Variants in UBR4 observed in about 807,000 individuals in gnomAD.
The protein encoded by UBR4 is E3 ubiquitin-protein ligase UBR4.
UBR4 carries 124 observed loss-of-function variants against 575.6 expected under a neutral mutation model. That is an observed-to-expected ratio of 0.22 (90% CI 0.19 to 0.25). The LOEUF (loss-of-function observed/expected upper bound fraction) is 0.25. Among genes scored for constraint, UBR4 ranks in the 10% least tolerant of loss-of-function variants. The pLI is 1.00. For missense variants in UBR4, 4,818 were observed against 6,478.8 expected, an observed-to-expected ratio of 0.74 and a Z score of 8.80; for synonymous variants, 2,455 against 2,473.7, an observed-to-expected ratio of 0.99 and a Z score of 0.22.
At chr1:19,194,731 G>A (rs1322341617) in intron 8 of UBR4, among the ~76,000 whole-genome samples, 2 of 152,122 alleles carry the variant, frequency 1.3e-5, no homozygotes, top group African/African-American at 4.8e-5. Flanking sequence ...GAACCTGGGG[G>A]GCAGAGGTTA....
chr1:19,168,977 CA>C (rs35946919), intron 27 of UBR4, among the ~76,000 whole-genome samples: 121 of 117,180 alleles, frequency 1.0e-3, no homozygotes, highest in Middle Eastern at 5.6e-3. Context: ...GACTCCGTCT[CA>C]AAAAAAAAAA....
intron 38 of UBR4, among the ~76,000 whole-genome samples, chr1:19,160,663 T>C (rs2087188024): frequency 6.6e-6 from 1 of 152,222 alleles, no homozygotes; most frequent in Admixed American, 6.5e-5. Flanking sequence ...TAAGGAACCC[T>C]GGCCAAGAAA....
chr1:19,145,067 T>A (rs1323149562), intron 53 of UBR4, among the ~76,000 whole-genome samples, 160 bp from the exon 54 acceptor site: 1 of 152,178 alleles, frequency 6.6e-6, no homozygotes, highest in Non-Finnish European at 1.5e-5. Flanking sequence ...GTAGCCTGTA[T>A]TATTTATGAT....
In UBR4 at chr1:19,110,077, C is replaced by A. The variant is rs2079676350; in HGVS notation, c.12105+19G>T. ...GGCCGCCCTGCCCTTCCTTGTTAGA[C>A]CCCTGCTTGGCCCAGTACCTTGTTC... is the stretch of plus-strand genomic sequence containing the variant. On this transcript the variant is annotated intron_variant, in intron 81 of 105. Coordinates refer to ENST00000375254, the MANE Select transcript of UBR4 (RefSeq NM_020765.3). The surrounding 1 kb of genome is among the most constrained non-coding windows in gnomAD (Gnocchi z 4.5). 6 of 1,613,540 alleles carry A rather than the reference C, an allele frequency of 3.7e-6. No individual in the cohort carries two copies. Among genetic ancestry groups the A allele is most frequent in the Middle Eastern group, 1.7e-4 (1 of 5,724 alleles).
intron 44 of UBR4, 96 bp from the exon 45 acceptor site, chr1:19,154,035 T>C: frequency 7.4e-7 from 1 of 1,351,966 alleles, no homozygotes; most frequent in South Asian, 1.4e-5. Flanking sequence ...GCTACGTGAC[T>C]CCAAAGCAAT....
chr1:19,148,480 T>G (rs1352550468), intron 50 of UBR4, 83 bp downstream of exon 50: 3 of 1,495,032 alleles, frequency 2.0e-6, no homozygotes, highest in Admixed American at 1.7e-5. Flanking sequence ...GTTCTTTAGC[T>G]TCGAGGCCTC....
At chr1:19,200,008 A>T (rs1056631088) in intron 2 of UBR4, among the ~76,000 whole-genome samples, 4 of 152,246 alleles carry the variant, frequency 2.6e-5, no homozygotes, top group Non-Finnish European at 5.9e-5. Flanking sequence ...CTTCAAAGGT[A>T]TTAACTCATT....
Position 19,114,873 on chromosome 1 carries a change from T to C in UBR4, c.11140A>G (p.Met3714Val). The change falls in exon 75 of 106, where the codon ATG becomes GTG. Residue 3714 changes from methionine (M) to valine (V), a missense_variant. Met to Val is a conservative substitution (Grantham distance 21, BLOSUM62 1). Transcript: ENST00000375254. ...GCACAGCAAGGCTTGGCATAGAGCA[T>C]GAAGTCGAAGCGGGCATATTTACAG... ...GFCKYARFDF[M>V]LYAKPCCAVD... 1.9e-6 allele frequency: 3 copies of C among 1,614,178 alleles called. No individual in the cohort carries two copies. The highest frequency in any genetic ancestry group is 2.5e-6 in the Non-Finnish European group (3 of 1,180,026).
At position 19,172,904 on chromosome 1, in the gene UBR4, C is replaced by T; in HGVS notation, c.3481G>A (p.Ala1161Thr). The T allele has an allele frequency of 6.2e-7, 1 of 1,614,158 alleles. No individual in the cohort carries two copies. Among genetic ancestry groups the T allele is most frequent in the African/African-American group, 1.3e-5 (1 of 75,026 alleles). ...SSEITKNLLP[A>T]TLQLIDTYAS... ...TAGGTGTCAATGAGTTGCAGCGTGG[C>T]TGGAAGTAGGTTCTTGGTAATCTCA... is the stretch of plus-strand genomic sequence containing the variant. Residue 1161 changes from alanine to threonine, a missense_variant, in exon 25 of 106, where the codon GCC (alanine) becomes ACC (threonine). Physicochemically the swap from Ala to Thr is moderately conservative, Grantham distance 58 (BLOSUM62 0). Around this residue, in one of 29 missense-constraint regions of UBR4, gnomAD observed 1,172 missense variants for 1,259.7 expected, o/e 0.93. Transcript: ENST00000375254.
chr1:19,159,290 A>G (rs2086916340), intron 39 of UBR4, among the ~76,000 whole-genome samples: 1 of 152,242 alleles, frequency 6.6e-6, no homozygotes, highest in Admixed American at 6.5e-5. Flanking sequence ...TCAGAAGTCT[A>G]TATTCAGTGC....
At chr1:19,176,505 G>C in intron 20 of UBR4, 87 bp downstream of exon 20, 2 of 1,509,080 alleles carry the variant, frequency 1.3e-6, no homozygotes, top group Non-Finnish European at 1.8e-6. Context: ...AATGACCAAA[G>C]ATCCTCCAAG....
intron 32 of UBR4, 113 bp downstream of exon 32, chr1:19,164,686 A>G (rs2087997604): frequency 3.0e-6 from 4 of 1,353,976 alleles, no homozygotes; most frequent in Non-Finnish European, 4.1e-6. Flanking sequence ...AGAGAGAGGT[A>G]GATACAAAAA....
At position 19,115,199 on chromosome 1, in the gene UBR4, GCACA is replaced by G. The variant is rs61661086; in HGVS notation, c.11063+195_11063+198del. Among the ~76,000 whole-genome samples, 437 of 127,106 alleles carry G rather than the reference GCACA, an allele frequency of 3.4e-3. 5 individuals are homozygous for G. The South Asian group carries it at 0.036, about 11-fold the overall frequency. The allele number at this position is 127,106 out of a possible 152,430, so 83.4% of individuals were successfully genotyped here. A position where few individuals can be genotyped will look rare whatever the true frequency, so the allele number is the denominator to read the frequency against. The stretch of plus-strand genomic sequence containing the variant: ...AGGACAGACACACTCGTGTGCACAT[GCACA>G]CACACACACACACACACACTCACTC... On this transcript the variant is annotated intron_variant, in intron 74 of 105. Transcript: ENST00000375254.
intron 104 of UBR4, 147 bp downstream of exon 104, chr1:19,077,829 C>A (rs546259968): frequency 6.5e-6 from 10 of 1,546,744 alleles, no homozygotes; most frequent in Non-Finnish European, 8.7e-7. Context: ...ATCCCTCCCA[C>A]AGTTGGGGTT....
At position 19,143,036 on chromosome 1, in the gene UBR4, G is replaced by A. The variant is rs569612004; in HGVS notation, c.8179+944C>T. 4.9e-4 allele frequency among the ~76,000 whole-genome samples: 74 copies of A among 151,714 alleles called. 3 individuals carry two copies. The South Asian group carries it at 0.015, about 31-fold the overall frequency. ...ACTAGGGAGGCAGAGATTGCAGTGA[G>A]CTGAGATGGCACCATTGCACTCTAG... On this transcript the variant is annotated intron_variant, in intron 55 of 105. Transcript: ENST00000375254.
Position 19,193,467 on chromosome 1 carries a change from T to C in UBR4, c.1109A>G (p.Tyr370Cys). 9 of 1,614,218 alleles carry C rather than the reference T, an allele frequency of 5.6e-6. No homozygotes were observed. The highest frequency in any genetic ancestry group is 4.5e-5 in the East Asian group (2 of 44,884). Residue 370 changes from tyrosine (Y) to cysteine (C), a missense_variant, in exon 9 of 106, where the codon TAT (tyrosine) becomes TGT (cysteine). This residue lies in a region of UBR4 where 131 missense variants were observed against 214.5 expected (regional missense o/e 0.61). Coordinates refer to ENST00000375254, the MANE Select transcript of UBR4 (RefSeq NM_020765.3). ...GACAATTGTAGCTGCGTCACTTTCA[T>C]AGTCATCTTCTTTGGAGCTCGTGGA... is the stretch of plus-strand genomic sequence containing the variant. ...TGSTSSKEDD[Y>C]ESDAATIVQK...
At position 19,156,285 on chromosome 1, in the gene UBR4, C is replaced by T; in HGVS notation, c.6058G>A (p.Ala2020Thr). Residue 2020 changes from alanine to threonine, a missense_variant, in exon 42 of 106, where the codon GCA becomes ACA. Ala to Thr is a moderately conservative substitution (Grantham distance 58). Around this residue, in one of 29 missense-constraint regions of UBR4, gnomAD observed 461 missense variants for 606.9 expected, o/e 0.76. Coordinates refer to ENST00000375254, the MANE Select transcript of UBR4 (RefSeq NM_020765.3). ...GSQTELAIVT[A>T]DFVKIYDLCV... is the part of the protein sequence containing the mutation. ...TGTAACTGTACCTTAACAAAGTCTG[C>T]GGTGACAATTGCTAACTCGGTCTGT... The T allele has an allele frequency of 4.3e-6, 7 of 1,614,056 alleles. No homozygotes were observed. Among genetic ancestry groups the T allele is most frequent in the South Asian group, 1.1e-5 (1 of 91,070 alleles).
intron 10 of UBR4, 28 bp from the exon 11 acceptor site, chr1:19,192,406 C>T (rs1557986448): frequency 2.5e-6 from 4 of 1,613,946 alleles, no homozygotes; most frequent in Admixed American, 1.7e-5. Context: ...AAATAAAAAA[C>T]ATAATCATAG....
In UBR4 at chr1:19,089,212, A is replaced by C. The variant is rs1340211250; in HGVS notation, c.14212-235T>G. On this transcript the variant is annotated intron_variant, in intron 97 of 105. Transcript: ENST00000375254. This position sits in a 1 kb window ranked among gnomAD's most constrained non-coding sequence, Gnocchi z 4.3. ...TCTAAGCTCAGTATTTCCATCTATAAAATGGGGATAGTGCAAGGGCTGCTG... is the reference window on the plus strand; with the variant it reads ...TCTAAGCTCAGTATTTCCATCTATACAATGGGGATAGTGCAAGGGCTGCTG... Among the ~76,000 whole-genome samples, 1 of 152,212 alleles carries C rather than the reference A, an allele frequency of 6.6e-6. No individual in the cohort carries two copies. The highest frequency in any genetic ancestry group is 1.5e-5 in the Non-Finnish European group (1 of 68,042).
Sources: gnomAD v4.1 joint callset for allele counts (sites outside exome capture counted in the v4.1 genomes callset) on GRCh38, gnomAD v4.1.1 for gene constraint, gnomAD v4.1.1 regional missense constraint, Gnocchi (gnomAD v3.1) non-coding constraint, MANE v1.5 for transcripts, NCBI Gene and HGNC (gene_info 2026-07-23, HGNC 2026-07-21) for gene names.